SESTD1: variants seen among roughly 807,000 people sequenced by gnomAD.
SESTD1 encodes the protein SEC14 domain and spectrin repeat-containing protein 1.
SESTD1 carries 43 observed loss-of-function variants against 101.7 expected under a neutral mutation model. The ratio of observed to expected loss-of-function variants is 0.42; its 90% confidence interval spans 0.33 to 0.55. The LOEUF is 0.55. SESTD1 is among the 20% of genes least tolerant of loss of function. The probability of loss-of-function intolerance (pLI) is 0.07; values close to 1 mark genes in which losing one functional copy is unlikely to be tolerated. For missense variants in SESTD1, 647 were observed against 815.1 expected, an observed-to-expected ratio of 0.79 and a Z score of 2.51; for synonymous variants, 283 against 286.8, an observed-to-expected ratio of 0.99 and a Z score of 0.13.
At chr2:179,227,729 T>G (rs1331680750) in intron 1 of SESTD1, among the ~76,000 whole-genome samples, 1 of 152,118 alleles carries the variant, frequency 6.6e-6, no homozygotes, top group Admixed American at 6.6e-5. Context: ...CGGTTTTCAA[T>G]GACTTCTGCA....
intron 1 of SESTD1, among the ~76,000 whole-genome samples, chr2:179,228,210 C>G (rs185235137): frequency 1.5e-4 from 23 of 152,216 alleles, no homozygotes; most frequent in Admixed American, 7.9e-4. Flanking sequence ...TCAAATATGT[C>G]ACGGATGTAT....
chr2:179,220,017 C>T (rs1320789875), intron 1 of SESTD1, among the ~76,000 whole-genome samples: 1 of 152,112 alleles, frequency 6.6e-6, no homozygotes, highest in Non-Finnish European at 1.5e-5. Context: ...TATAAAACTA[C>T]TGCTAATCCA....
At chr2:179,117,123 TATATCTAACTGA>T (rs1213862664) in intron 14 of SESTD1, among the ~76,000 whole-genome samples, 3 of 152,244 alleles carry the variant, frequency 2.0e-5, no homozygotes, top group African/African-American at 7.2e-5. Flanking sequence ...AAATTTTATC[TATATCTAACTGA>T]AATGATGTTC....
At chr2:179,184,752 T>C (rs887132728) in intron 2 of SESTD1, among the ~76,000 whole-genome samples, 7 of 152,160 alleles carry the variant, frequency 4.6e-5, no homozygotes, top group East Asian at 1.9e-4. Flanking sequence ...TGCTAAGCTT[T>C]ATCCACCCAT....
In SESTD1 at chr2:179,207,641, A is replaced by G. The variant is rs1020423173; in HGVS notation, c.-25-15775T>C. Among the ~76,000 whole-genome samples the G allele has an allele frequency of 4.5e-5, 6 of 134,504 alleles. 3 individuals are homozygous for G. The highest frequency in any genetic ancestry group is 1.8e-4 in the African/African-American group (6 of 33,960). 88.2% of individuals were successfully genotyped at this position (134,504 alleles called of 152,430 possible). A position where few individuals can be genotyped will look rare whatever the true frequency, so the allele number is the denominator to read the frequency against. ...GGCTAGACTTAGAAGGGCAATAACAATCACTGCAGTCTGGCTCTCAGGAAG... is the reference window on the plus strand; with the variant it reads ...GGCTAGACTTAGAAGGGCAATAACAGTCACTGCAGTCTGGCTCTCAGGAAG... On this transcript the variant is annotated intron_variant, in intron 1 of 17. Transcript: ENST00000428443.
intron 16 of SESTD1, among the ~76,000 whole-genome samples, chr2:179,114,564 T>C (rs2044585590): frequency 6.6e-6 from 1 of 152,244 alleles, no homozygotes; most frequent in African/African-American, 2.4e-5. Flanking sequence ...CTTAATTCAT[T>C]GAATAATAAA....
chr2:179,224,055 T>C (rs900518447), intron 1 of SESTD1, among the ~76,000 whole-genome samples: 1 of 152,158 alleles, frequency 6.6e-6, no homozygotes, highest in African/African-American at 2.4e-5. Flanking sequence ...ATTAAAATGA[T>C]ATTATTTTGT....
At chr2:179,184,910 T>C (rs2046184324) in intron 2 of SESTD1, among the ~76,000 whole-genome samples, 1 of 152,084 alleles carries the variant, frequency 6.6e-6, no homozygotes, top group African/African-American at 2.4e-5. Context: ...TAATCACCAG[T>C]GTAAAAGTAC....
chr2:179,244,940 T>C (rs1425919226), intron 1 of SESTD1, among the ~76,000 whole-genome samples: 1 of 152,176 alleles, frequency 6.6e-6, no homozygotes, highest in Non-Finnish European at 1.5e-5. Context: ...TCAAACTGGT[T>C]AAATGATGAC....
At chr2:179,244,348 A>G (rs988196607) in intron 1 of SESTD1, among the ~76,000 whole-genome samples, 4 of 151,818 alleles carry the variant, frequency 2.6e-5, no homozygotes, top group African/African-American at 7.3e-5. Flanking sequence ...AGTCCTAGCT[A>G]CTCGGGAGGC....
intron 1 of SESTD1, among the ~76,000 whole-genome samples, chr2:179,249,510 C>T (rs2047283390): frequency 6.6e-6 from 1 of 152,034 alleles, no homozygotes; most frequent in Non-Finnish European, 1.5e-5. Flanking sequence ...TGAGAGAAAT[C>T]AAAGAGCTAT....
chr2:179,140,071 AC>A (rs1237076227), intron 9 of SESTD1, among the ~76,000 whole-genome samples: 1 of 152,048 alleles, frequency 6.6e-6, no homozygotes, highest in Admixed American at 6.5e-5. Flanking sequence ...GTTTACGTCC[AC>A]CTTGTTGGGA....
At chr2:179,224,984 G>A (rs1475732544) in intron 1 of SESTD1, among the ~76,000 whole-genome samples, 2 of 152,086 alleles carry the variant, frequency 1.3e-5, no homozygotes, top group Admixed American at 1.3e-4. Context: ...AGGGGGTCAC[G>A]GGAACCCCAA....
intron 9 of SESTD1, 25 bp downstream of exon 9, chr2:179,143,567 A>C: frequency 6.3e-7 from 1 of 1,599,356 alleles, no homozygotes; most frequent in Non-Finnish European, 8.6e-7. Flanking sequence ...AAAAAGAGTT[A>C]AATATATTCA....
intron 17 of SESTD1, among the ~76,000 whole-genome samples, chr2:179,111,769 G>C (rs1575417367): frequency 6.7e-6 from 1 of 149,804 alleles, no homozygotes; most frequent in South Asian, 2.1e-4. Context: ...ACCCAGGCTG[G>C]AGCGCAGTGG....
chr2:179,160,433 T>C (rs911632909), intron 5 of SESTD1, among the ~76,000 whole-genome samples: 5 of 151,980 alleles, frequency 3.3e-5, no homozygotes, highest in African/African-American at 1.2e-4. Context: ...AGAGCACAAA[T>C]ATTTAAAAGT....
Position 179,107,643 on chromosome 2 carries a change from A to G in SESTD1, c.*2256T>C, listed in dbSNP as rs1329903468. 2 of 152,112 alleles carry G rather than the reference A, an allele frequency of 1.3e-5. No homozygotes were observed. Among genetic ancestry groups the G allele is most frequent in the Non-Finnish European group, 2.9e-5 (2 of 68,002 alleles). 9.4% of individuals were successfully genotyped at this position (152,112 alleles called of 1,614,324 possible). A position where few individuals can be genotyped will look rare whatever the true frequency, so the allele number is the denominator to read the frequency against. ...CTTGTAAGTCAGTTCTAACTTTAAA[A>G]AAGTATGTTTAAAACATACTTCAGA... On this transcript the variant is annotated 3_prime_UTR_variant, in exon 18 of 18. Transcript: ENST00000428443.
chr2:179,231,267 C>T (rs912433714), intron 1 of SESTD1, among the ~76,000 whole-genome samples: 5 of 151,700 alleles, frequency 3.3e-5, no homozygotes, highest in Admixed American at 1.3e-4. Context: ...AAGAGCAAAA[C>T]GAAGTTGCAG....
chr2:179,183,559 GGAGAT>G (rs1428872520), intron 2 of SESTD1, among the ~76,000 whole-genome samples: 1 of 151,994 alleles, frequency 6.6e-6, no homozygotes, highest in Non-Finnish European at 1.5e-5. Flanking sequence ...AAAATATTTA[GGAGAT>G]AAGAAATATG....
Sources: gnomAD v4.1 joint callset for allele counts (sites outside exome capture counted in the v4.1 genomes callset) on GRCh38, gnomAD v4.1.1 for gene constraint, MANE v1.5 for transcripts, NCBI Gene and HGNC (gene_info 2026-07-23, HGNC 2026-07-21) for gene names.